LBR: variants seen among roughly 807,000 people sequenced by gnomAD.
LBR encodes delta(14)-sterol reductase LBR.
Under a neutral mutation model 74.3 loss-of-function variants are expected in LBR, and 28 were observed. The ratio of observed to expected loss-of-function variants is 0.38; its 90% confidence interval spans 0.28 to 0.52. The LOEUF (loss-of-function observed/expected upper bound fraction) is 0.52. LBR is among the 20% of genes least tolerant of loss of function. The probability of loss-of-function intolerance (pLI) is 0.89; values close to 1 mark genes in which losing one functional copy is unlikely to be tolerated. For missense variants in LBR, 717 were observed against 760.3 expected (o/e 0.94, Z 0.67); for synonymous variants, 228 against 269.3 (o/e 0.85, Z 1.50).
chr1:225,414,847 G>C (rs1410108932), intron 7 of LBR, among the ~76,000 whole-genome samples: 1 of 152,206 alleles, frequency 6.6e-6, no homozygotes, highest in Non-Finnish European at 1.5e-5. Context: ...AGGTGAAGAT[G>C]CAGGTGTCAG....
Position 225,422,062 on chromosome 1 carries a change from G to C in LBR, c.366+15C>G. 1 of 1,611,666 alleles carries C rather than the reference G, an allele frequency of 6.2e-7. No homozygotes were observed. Among genetic ancestry groups the C allele is most frequent in the East Asian group, 2.2e-5 (1 of 44,874 alleles). ...AGCGGAAGACAAAAGGCTGTATAAG[G>C]ATAAACACAAGTACCAGAATCAGCG... On this transcript the variant is annotated intron_variant, in intron 3 of 13. Coordinates refer to ENST00000272163, the MANE Select transcript of LBR (RefSeq NM_002296.4).
chr1:225,403,552 G>T, intron 13 of LBR, 89 bp from the exon 14 acceptor site: 1 of 974,110 alleles, frequency 1.0e-6, no homozygotes. Context: ...CTCTAAAAAT[G>T]GAACCACAAG....
At chr1:225,414,331 C>A (rs1333339709) in intron 7 of LBR, 2 of 337,832 alleles carry the variant, frequency 5.9e-6, no homozygotes, top group East Asian at 7.6e-5. Flanking sequence ...AACAAAGTAT[C>A]CAAAGTTAAA....
Position 225,412,436 on chromosome 1 carries a change from C to T in LBR, c.1084+18G>A, listed in dbSNP as rs367895739. ...CTCTGGGACGCATTCATCCAACATGCAATTCATCACTGCTCACCAGAGCTG... is the reference window on the plus strand; with the variant it reads ...CTCTGGGACGCATTCATCCAACATGTAATTCATCACTGCTCACCAGAGCTG... On this transcript the variant is annotated intron_variant, in intron 8 of 13. Coordinates refer to ENST00000272163, the MANE Select transcript of LBR (RefSeq NM_002296.4). The T allele has an allele frequency of 1.9e-6, 3 of 1,612,860 alleles. No individual in the cohort carries two copies. Among genetic ancestry groups the T allele is most frequent in the Middle Eastern group, 1.7e-4 (1 of 5,780 alleles).
At chr1:225,410,012 A>C (rs1243337490) in intron 10 of LBR, among the ~76,000 whole-genome samples, 2 of 152,208 alleles carry the variant, frequency 1.3e-5, no homozygotes, top group Non-Finnish European at 2.9e-5. Context: ...ACCACCCACA[A>C]AAACAAAACC....
intron 5 of LBR, among the ~76,000 whole-genome samples, chr1:225,418,404 A>G (rs1157305977): frequency 2.0e-5 from 3 of 152,020 alleles, no homozygotes; most frequent in African/African-American, 7.2e-5. Context: ...AATAAAAAAA[A>G]AAAGAAAGAG....
intron 3 of LBR, among the ~76,000 whole-genome samples, chr1:225,421,446 T>C (rs555422516): frequency 2.6e-5 from 4 of 152,374 alleles, no homozygotes; most frequent in Admixed American, 6.5e-5. Flanking sequence ...TGAGCTGAGA[T>C]TGCGCCACTG....
At position 225,423,955 on chromosome 1, in the gene LBR, A is replaced by G. The variant is rs2096133698; in HGVS notation, c.121T>C (p.Tyr41His). The G allele has an allele frequency of 6.2e-7, 1 of 1,613,836 alleles. No homozygotes were observed. The highest frequency in any genetic ancestry group is 2.2e-5 in the East Asian group (1 of 44,876). ...DSTSQLYTVK[Y>H]KDGTELELKE... ...AATTCAAGCTCTGTTCCATCTTTAT[A>G]CTTCACAGTGTAAAGCTGGGAGGTG... is the stretch of plus-strand genomic sequence containing the variant. The change falls in exon 2 of 14, where the codon TAT becomes CAT. Residue 41 changes from tyrosine (Y) to histidine (H), a missense_variant. Tyr to His is a moderately conservative substitution (Grantham distance 83). Coordinates refer to ENST00000272163, the MANE Select transcript of LBR (RefSeq NM_002296.4).
chr1:225,422,530 T>A, intron 2 of LBR: 2 of 502,744 alleles, frequency 4.0e-6, no homozygotes, highest in Non-Finnish European at 7.2e-6. Context: ...CGAATGTATC[T>A]AAACCAATTA....
In LBR at chr1:225,419,312, A is replaced by G; in HGVS notation, c.591T>C (p.Phe197=). 6.2e-7 allele frequency: 1 copy of G among 1,614,214 alleles called. No individual in the cohort carries two copies. The highest frequency in any genetic ancestry group is 8.5e-7 in the Non-Finnish European group (1 of 1,180,038). Residue 197 remains phenylalanine (F), a synonymous_variant, in exon 5 of 14, where the codon TTT becomes TTC. Coordinates refer to ENST00000272163, the MANE Select transcript of LBR (RefSeq NM_002296.4). ...YVAKELAVRT[F]EVTPIRAKDL... ...CCTTTGCCCGGATGGGGGTCACTTC[A>G]AAGGTTCTCACTGCCAGTTCTTTTG...
chr1:225,414,112 C>T (rs2096112162), intron 7 of LBR: 1 of 456,630 alleles, frequency 2.2e-6, no homozygotes, highest in African/African-American at 2.0e-5. Flanking sequence ...CTTGCTCCAT[C>T]AGCAAAGAAT....
intron 10 of LBR, among the ~76,000 whole-genome samples, chr1:225,410,069 G>C (rs1161683593): frequency 1.3e-5 from 2 of 152,054 alleles, no homozygotes; most frequent in Non-Finnish European, 2.9e-5. Flanking sequence ...TTAAACACAA[G>C]AACAGCTGAT....
chr1:225,424,462 A>T (rs558549522), intron 1 of LBR, among the ~76,000 whole-genome samples: 1 of 152,374 alleles, frequency 6.6e-6, no homozygotes, highest in East Asian at 1.9e-4. Context: ...AATGCATTTA[A>T]TTGTATTTTT....
chr1:225,411,417 TGAA>T lies in LBR; in HGVS notation c.1105_1107del (p.Phe369del). The T allele has an allele frequency of 6.2e-7, 1 of 1,613,804 alleles. No individual in the cohort carries two copies. The highest frequency in any genetic ancestry group is 1.1e-5 in the South Asian group (1 of 91,076). On this transcript the variant is annotated inframe_deletion, in exon 9 of 14. Transcript: ENST00000272163. ...ATTCGAGGGTTTAATTCACGGCCAA[TGAA>T]GAAATCATAGACAGCATTTCCTGAG... is the stretch of plus-strand genomic sequence containing the variant.
chr1:225,406,316 A>G (rs2150944943), intron 11 of LBR, among the ~76,000 whole-genome samples: 1 of 152,370 alleles, frequency 6.6e-6, no homozygotes, highest in South Asian at 2.1e-4. Context: ...TGTGAGCTCT[A>G]TGAAGGCAAG....
At chr1:225,420,861 A>C (rs1296113228) in intron 3 of LBR, among the ~76,000 whole-genome samples, 1 of 152,202 alleles carries the variant, frequency 6.6e-6, no homozygotes, top group African/African-American at 2.4e-5. Flanking sequence ...TTCTTGATGC[A>C]ATCTGGCAAT....
At chr1:225,414,421 C>A (rs1205098888) in intron 7 of LBR, among the ~76,000 whole-genome samples, 9 of 152,230 alleles carry the variant, frequency 5.9e-5, no homozygotes, top group Admixed American at 4.6e-4. Context: ...ACACTCTACT[C>A]CGTCTTGTCA....
intron 5 of LBR, among the ~76,000 whole-genome samples, chr1:225,418,693 C>T (rs905580805): frequency 6.6e-6 from 1 of 152,230 alleles, no homozygotes; most frequent in Admixed American, 6.5e-5. Context: ...AGCAATTAAG[C>T]CATGCAGGAT....
intron 3 of LBR, 110 bp downstream of exon 3, chr1:225,421,967 C>T: frequency 1.8e-6 from 2 of 1,085,150 alleles, no homozygotes; most frequent in Non-Finnish European, 2.7e-6. Context: ...AAGTCATCAA[C>T]TTAGATTTGA....
Sources: allele counts gnomAD v4.1 joint callset (sites outside exome capture counted in the v4.1 genomes callset), GRCh38; gene constraint gnomAD v4.1.1; transcripts MANE v1.5; gene names NCBI Gene and HGNC (gene_info 2026-07-23, HGNC 2026-07-21).